The following EYA4 variants were observed in gnomAD, a reference collection of about 807,000 sequenced individuals.
The protein encoded by EYA4 is protein phosphatase EYA4.
A neutral mutation model predicts 87.9 loss-of-function variants in EYA4; 31 were observed. The observed-to-expected ratio is 0.35, with a 90% confidence interval of 0.27 to 0.48. The LOEUF is 0.48. Ranked by LOEUF, EYA4 falls within the 20% of genes least tolerant of loss-of-function variation. EYA4 has a pLI of 0.99. For missense variants in EYA4, 678 were observed against 761.4 expected (o/e 0.89, Z 1.29); for synonymous variants, 263 against 270.6 (o/e 0.97, Z 0.28).
intron 1 of EYA4, among the ~76,000 whole-genome samples, chr6:133,266,862 AT>A (rs1161409170): frequency 2.6e-5 from 4 of 152,054 alleles, no homozygotes; most frequent in African/African-American, 7.2e-5. Flanking sequence ...TGTTTATTCC[AT>A]TTTTTTGTTT....
chr6:133,375,878 G>T (rs963907288), intron 2 of EYA4, among the ~76,000 whole-genome samples: 5 of 151,778 alleles, frequency 3.3e-5, no homozygotes, highest in African/African-American at 7.2e-5. Context: ...GGTAACTAAA[G>T]TTAGATACCA....
Position 133,493,092 on chromosome 6 carries a change from AC to A in EYA4, c.1191+9978del, listed in dbSNP as rs371509596. Among the ~76,000 whole-genome samples, 218 of 152,326 alleles carry A rather than the reference AC, an allele frequency of 1.4e-3. 2 individuals carry two copies. Among genetic ancestry groups the A allele is most frequent in the African/African-American group, 4.5e-3 (189 of 41,574 alleles). On this transcript the variant is annotated intron_variant, in intron 13 of 19. Transcript: ENST00000355286. ...CTACTGACATTCTTCACAGAAAAAA[AC>A]AATCCTAAAATTTATATGGAAACAC...
At chr6:133,291,346 A>G (rs1778473797) in intron 2 of EYA4, among the ~76,000 whole-genome samples, 2 of 152,292 alleles carry the variant, frequency 1.3e-5, no homozygotes, top group South Asian at 4.1e-4. Context: ...TTCTTATTTT[A>G]GCTAACTCTT....
At chr6:133,482,624 T>G (rs914777106) in intron 12 of EYA4, among the ~76,000 whole-genome samples, 1 of 152,250 alleles carries the variant, frequency 6.6e-6, no homozygotes, top group Admixed American at 6.5e-5. Flanking sequence ...TGTTTAGCGG[T>G]TACTCATTGA....
chr6:133,293,048 A>T (rs184841384), intron 2 of EYA4, among the ~76,000 whole-genome samples: 1 of 152,172 alleles, frequency 6.6e-6, no homozygotes, highest in East Asian at 1.9e-4. Context: ...CTGGCTTGCA[A>T]TGTATTCCCG....
intron 2 of EYA4, among the ~76,000 whole-genome samples, chr6:133,316,210 A>G (rs1780609079): frequency 2.0e-5 from 3 of 152,154 alleles, no homozygotes; most frequent in Non-Finnish European, 4.4e-5. Context: ...AATAGTTGAT[A>G]TTAGTGAAGG....
At chr6:133,401,215 T>C (rs780901135) in intron 3 of EYA4, among the ~76,000 whole-genome samples, 2 of 152,044 alleles carry the variant, frequency 1.3e-5, no homozygotes, top group Non-Finnish European at 2.9e-5. Flanking sequence ...AGAGAGTAGA[T>C]TGTAGATTGG....
intron 13 of EYA4, among the ~76,000 whole-genome samples, chr6:133,505,685 A>C (rs975691861): frequency 6.6e-6 from 1 of 152,064 alleles, no homozygotes; most frequent in Non-Finnish European, 1.5e-5. Flanking sequence ...TCTATCTTTT[A>C]ATTCTTATTA....
At chr6:133,270,265 C>T (rs1776579354) in intron 1 of EYA4, among the ~76,000 whole-genome samples, 2 of 152,158 alleles carry the variant, frequency 1.3e-5, no homozygotes, top group Admixed American at 1.3e-4. Context: ...GATTATACAT[C>T]ATCTTCAAAT....
At chr6:133,415,407 C>T (rs755741348) in intron 3 of EYA4, among the ~76,000 whole-genome samples, 1 of 152,266 alleles carries the variant, frequency 6.6e-6, no homozygotes, top group Non-Finnish European at 1.5e-5. Flanking sequence ...GGCTCCACTT[C>T]CTCCTCTTCT....
chr6:133,381,357 T>C (rs968079814), intron 2 of EYA4, among the ~76,000 whole-genome samples: 1 of 152,166 alleles, frequency 6.6e-6, no homozygotes, highest in African/African-American at 2.4e-5. Flanking sequence ...AGGATTTTTC[T>C]GAAACAGAGG....
chr6:133,516,748 A>T (rs1799636473), intron 17 of EYA4, among the ~76,000 whole-genome samples: 1 of 151,578 alleles, frequency 6.6e-6, no homozygotes, highest in Admixed American at 6.6e-5. Context: ...TAAAGAAAAG[A>T]TTAATGAGAA....
chr6:133,474,874 T>C (rs1795589070), intron 11 of EYA4, among the ~76,000 whole-genome samples: 1 of 152,174 alleles, frequency 6.6e-6, no homozygotes, highest in South Asian at 2.1e-4. Flanking sequence ...CAGTTTTTCA[T>C]AGAACAGTCA....
chr6:133,269,567 A>G (rs1776517852), intron 1 of EYA4, among the ~76,000 whole-genome samples: 1 of 152,164 alleles, frequency 6.6e-6, no homozygotes, highest in Non-Finnish European at 1.5e-5. Context: ...TTCTCTTGTA[A>G]TTTTTAAAAC....
intron 13 of EYA4, among the ~76,000 whole-genome samples, chr6:133,490,472 T>G (rs2128726669): frequency 6.7e-6 from 1 of 150,210 alleles, no homozygotes; most frequent in Non-Finnish European, 1.5e-5. Context: ...ACACAGAGAC[T>G]GAAAATAATG....
Position 133,345,617 on chromosome 6 carries a change from G to A in EYA4, c.34-36775G>A, listed in dbSNP as rs1378456904. On this transcript the variant is annotated intron_variant, in intron 2 of 19. Coordinates refer to ENST00000355286, the MANE Select transcript of EYA4 (RefSeq NM_004100.5). The stretch of plus-strand genomic sequence containing the variant: ...CATTACTATTTCATCACCTGTTTCA[G>A]TAATAAAGTGACAGAATGCACCTTT... 3.3e-5 allele frequency among the ~76,000 whole-genome samples: 5 copies of A among 152,242 alleles called. No individual in the cohort carries two copies. The East Asian group carries it at 9.6e-4, about 29-fold the overall frequency.
intron 3 of EYA4, among the ~76,000 whole-genome samples, chr6:133,425,442 C>G (rs928495030): frequency 6.6e-6 from 1 of 150,400 alleles, no homozygotes; most frequent in African/African-American, 2.5e-5. Context: ...ATGACACCCC[C>G]CCAACCTCGC....
chr6:133,509,160 C>T (rs1221522838), intron 14 of EYA4, among the ~76,000 whole-genome samples: 2 of 152,146 alleles, frequency 1.3e-5, no homozygotes, highest in Non-Finnish European at 2.9e-5. Flanking sequence ...GCATTCAGTA[C>T]AGTTACATAC....
At chr6:133,256,784 G>T (rs962628180) in intron 1 of EYA4, among the ~76,000 whole-genome samples, 5 of 152,028 alleles carry the variant, frequency 3.3e-5, no homozygotes, top group African/African-American at 1.2e-4. Flanking sequence ...TTTGTTGTTC[G>T]ATTTTTATAT....
Sources: allele counts gnomAD v4.1 joint callset (sites outside exome capture counted in the v4.1 genomes callset), GRCh38; gene constraint gnomAD v4.1.1; transcripts MANE v1.5; gene names NCBI Gene and HGNC (gene_info 2026-07-23, HGNC 2026-07-21).